The following DMRT1 variants were observed in gnomAD, a reference collection of about 807,000 sequenced individuals.
The protein encoded by DMRT1 is doublesex- and mab-3-related transcription factor 1.
Under a neutral mutation model 32.3 loss-of-function variants are expected in DMRT1, and 7 were observed. That is an observed-to-expected ratio of 0.22 (90% CI 0.12 to 0.41). The LOEUF is 0.41. Among genes scored for constraint, DMRT1 ranks in the 10% least tolerant of loss-of-function variants. The pLI is 1.00. For synonymous variants in DMRT1, 278 were observed against 206.1 expected, an observed-to-expected ratio of 1.35 and a Z score of -2.99; for missense variants, 625 against 500.5, an observed-to-expected ratio of 1.25 and a Z score of -2.37.
chr9:897,816 G>T (rs1817430642), intron 3 of DMRT1, among the ~76,000 whole-genome samples: 1 of 151,908 alleles, frequency 6.6e-6, no homozygotes, highest in South Asian at 2.1e-4. Context: ...AGCAAGATAG[G>T]GTATAAAAAT....
Position 874,556 on chromosome 9 carries a change from C to A in DMRT1, c.539-19356C>A, listed in dbSNP as rs187500591. Among the ~76,000 whole-genome samples, 126 of 152,204 alleles carry A rather than the reference C, an allele frequency of 8.3e-4. 3 individuals are homozygous for A. Among genetic ancestry groups the A allele is most frequent in the Admixed American group, 7.5e-3 (115 of 15,278 alleles). ...TGTTAGATATTCTTGTTAATGATGG[C>A]AACTGCCATAAACTCCCTGCTCCTA... On this transcript the variant is annotated intron_variant, in intron 2 of 4. Coordinates refer to ENST00000382276, the MANE Select transcript of DMRT1 (RefSeq NM_021951.3).
intron 3 of DMRT1, among the ~76,000 whole-genome samples, chr9:904,012 G>A (rs964202023): frequency 6.6e-6 from 1 of 152,200 alleles, no homozygotes; most frequent in Non-Finnish European, 1.5e-5. Flanking sequence ...GAAATCCCCT[G>A]TAAAGTGCTG....
At chr9:851,028 CAAAA>C (rs869227462) in intron 2 of DMRT1, among the ~76,000 whole-genome samples, 2 of 94,810 alleles carry the variant, frequency 2.1e-5, no homozygotes, top group East Asian at 3.8e-4. Flanking sequence ...GACTCTATCT[CAAAA>C]AAAAAAAAAA....
chr9:889,031 G>T (rs1312846977), intron 2 of DMRT1, among the ~76,000 whole-genome samples: 1 of 152,028 alleles, frequency 6.6e-6, no homozygotes, highest in East Asian at 1.9e-4. Flanking sequence ...CATTCTCGGG[G>T]TGTATGATTT....
chr9:865,133 G>A (rs913278437), intron 2 of DMRT1, among the ~76,000 whole-genome samples: 13 of 152,150 alleles, frequency 8.5e-5, no homozygotes, highest in Non-Finnish European at 2.9e-5. Context: ...CCTGCATGAC[G>A]TTTCCAGGTT....
chr9:960,098 C>T (rs1819723525), intron 4 of DMRT1, among the ~76,000 whole-genome samples: 1 of 152,102 alleles, frequency 6.6e-6, no homozygotes, highest in South Asian at 2.1e-4. Flanking sequence ...TGGCTCTTTG[C>T]CCTAGCCTGA....
chr9:876,026 GAC>G (rs938162384), intron 2 of DMRT1, among the ~76,000 whole-genome samples: 2 of 152,200 alleles, frequency 1.3e-5, no homozygotes, highest in Non-Finnish European at 2.9e-5. Flanking sequence ...TGCTGGAGTT[GAC>G]ACAGTATGGC....
chr9:925,263 G>A (rs150943381), intron 4 of DMRT1, among the ~76,000 whole-genome samples: 51 of 152,242 alleles, frequency 3.3e-4, no homozygotes, highest in African/African-American at 1.2e-3. Context: ...TTTTCTGTTC[G>A]TTCCTCATCT....
At chr9:956,446 C>T (rs1819602330) in intron 4 of DMRT1, among the ~76,000 whole-genome samples, 1 of 151,984 alleles carries the variant, frequency 6.6e-6, no homozygotes, top group South Asian at 2.1e-4. Flanking sequence ...TGCCGGTAAT[C>T]CCAGCACTTT....
At position 963,265 on chromosome 9, in the gene DMRT1, A is replaced by T. The variant is rs778184345; in HGVS notation, c.968-4720A>T. On this transcript the variant is annotated intron_variant, in intron 4 of 4. Transcript: ENST00000382276. ...GTTCTCTCTACAATACGCAAAGTGC[A>T]GAGCTAGCCCCCTTCAAAACCGATA... Among the ~76,000 whole-genome samples, 5 of 152,206 alleles carry T rather than the reference A, an allele frequency of 3.3e-5. No individual in the cohort carries two copies. In the South Asian group the frequency reaches 1.0e-3, roughly 32 times the overall value.
At chr9:950,188 T>C (rs995682685) in intron 4 of DMRT1, among the ~76,000 whole-genome samples, 3 of 152,130 alleles carry the variant, frequency 2.0e-5, no homozygotes, top group Non-Finnish European at 4.4e-5. Flanking sequence ...AGCTCATTTT[T>C]AGAAGGCAAA....
At chr9:925,991 A>G (rs923034365) in intron 4 of DMRT1, among the ~76,000 whole-genome samples, 1 of 152,090 alleles carries the variant, frequency 6.6e-6, no homozygotes, top group Admixed American at 6.5e-5. Context: ...GGAATGTTCT[A>G]TTTGCAGGGA....
chr9:963,552 G>GAA (rs1439825756), intron 4 of DMRT1, among the ~76,000 whole-genome samples: 2 of 152,170 alleles, frequency 1.3e-5, no homozygotes, highest in Admixed American at 6.5e-5. Context: ...AACTGGAAAA[G>GAA]AATGAGCTAA....
intron 4 of DMRT1, among the ~76,000 whole-genome samples, chr9:931,856 C>T (rs1237907475): frequency 6.6e-6 from 1 of 152,182 alleles, no homozygotes; most frequent in Non-Finnish European, 1.5e-5. Context: ...CAGTCACTAA[C>T]ACTACTGAAG....
At chr9:842,230 G>T (rs1838714362) in intron 1 of DMRT1, 38 bp downstream of exon 1, 19,921 of 1,262,616 alleles carry the variant, frequency 0.016, no homozygotes, top group Non-Finnish European at 0.018. Flanking sequence ...TTCAGCCTTA[G>T]TTTTTTTTTT....
chr9:907,875 ACAC>A (rs1817836540), intron 3 of DMRT1, among the ~76,000 whole-genome samples: 2 of 151,386 alleles, frequency 1.3e-5, no homozygotes, highest in Non-Finnish European at 2.9e-5. Flanking sequence ...TATATAACAC[ACAC>A]TGACTGCATA....
At chr9:869,950 G>A (rs4503152) in intron 2 of DMRT1, among the ~76,000 whole-genome samples, 60,026 of 151,932 alleles carry the variant, frequency 0.4, 12,130 homozygotes, top group African/African-American at 0.47. Flanking sequence ...AGACCCCTGC[G>A]CGTGTATATG....
rs1471877544 is a variant in DMRT1 at position 894,206 on chromosome 9, A to C, written c.822+11A>C. ...GGAAACCAGTGGCAGGTATGATATT[A>C]ATTACCCAGAGAGTGAACTGGTTGT... On this transcript the variant is annotated intron_variant, in intron 3 of 4. Coordinates refer to ENST00000382276, the MANE Select transcript of DMRT1 (RefSeq NM_021951.3). 51 of 1,612,524 alleles carry C rather than the reference A, an allele frequency of 3.2e-5. No individual in the cohort carries two copies. Among genetic ancestry groups the C allele is most frequent in the African/African-American group, 9.3e-5 (7 of 75,002 alleles).
intron 2 of DMRT1, among the ~76,000 whole-genome samples, chr9:863,635 C>A (rs755383): frequency 6.6e-6 from 1 of 151,866 alleles, no homozygotes; most frequent in South Asian, 2.1e-4. Flanking sequence ...GAAAGAAATG[C>A]AGCCCCACAG....
Sources: allele counts gnomAD v4.1 joint callset (sites outside exome capture counted in the v4.1 genomes callset), GRCh38; gene constraint gnomAD v4.1.1; transcripts MANE v1.5; gene names NCBI Gene and HGNC (gene_info 2026-07-23, HGNC 2026-07-21).